EPHA6: variants seen among roughly 807,000 people sequenced by gnomAD.
EPHA6 encodes EPH receptor A6.
A neutral mutation model predicts 112.0 loss-of-function variants in EPHA6; 50 were observed. That is an observed-to-expected ratio of 0.45 (90% CI 0.36 to 0.56). EPHA6 has a LOEUF of 0.56. Among genes scored for constraint, EPHA6 ranks in the 20% least tolerant of loss-of-function variants. The probability of loss-of-function intolerance (pLI) is 0.00; values close to 1 mark genes in which losing one functional copy is unlikely to be tolerated. For missense variants in EPHA6, 1,280 were observed against 1,417.4 expected, an observed-to-expected ratio of 0.90 and a Z score of 1.56; for synonymous variants, 529 against 490.7, an observed-to-expected ratio of 1.08 and a Z score of -1.03.
At chr3:97,442,357 G>T (rs760593094) in intron 6 of EPHA6, among the ~76,000 whole-genome samples, 1 of 152,132 alleles carries the variant, frequency 6.6e-6, no homozygotes, top group Non-Finnish European at 1.5e-5. Flanking sequence ...AGGCCAAGGC[G>T]AGTGGACCAC....
At chr3:96,862,854 A>G (rs1267331387) in intron 1 of EPHA6, among the ~76,000 whole-genome samples, 1 of 151,968 alleles carries the variant, frequency 6.6e-6, no homozygotes, top group East Asian at 1.9e-4. Flanking sequence ...ATCATTTGAT[A>G]TTGTCTTTTA....
intron 16 of EPHA6, among the ~76,000 whole-genome samples, chr3:97,744,067 A>G (rs2035614665): frequency 6.6e-6 from 1 of 151,956 alleles, no homozygotes; most frequent in African/African-American, 2.4e-5. Context: ...TTATTACTAA[A>G]CTGTAACATT....
intron 5 of EPHA6, among the ~76,000 whole-genome samples, chr3:97,353,865 A>AGTG (rs753464869): frequency 2.0e-5 from 3 of 152,176 alleles, no homozygotes; most frequent in Non-Finnish European, 4.4e-5. Context: ...GCATAGTCCC[A>AGTG]GTGGTGGTGG....
chr3:97,494,336 G>T (rs997726697), intron 10 of EPHA6, among the ~76,000 whole-genome samples: 3 of 151,988 alleles, frequency 2.0e-5, no homozygotes, highest in Non-Finnish European at 4.4e-5. Context: ...AACTTTCCTC[G>T]CAGTAAGTGA....
chr3:96,814,815 C>G lies in EPHA6; in HGVS notation c.192C>G (p.Asp64Glu). 1.3e-6 allele frequency: 2 copies of G among 1,596,220 alleles called. No individual in the cohort carries two copies. Among genetic ancestry groups the G allele is most frequent in the African/African-American group, 1.3e-5 (1 of 74,552 alleles). Residue 64 changes from aspartate to glutamate, a missense_variant, in exon 1 of 18, where the codon GAC becomes GAG. Asp to Glu is a conservative substitution (Grantham distance 45). Coordinates refer to ENST00000389672, the MANE Select transcript of EPHA6 (RefSeq NM_001080448.3). ...AGGAAGAGGAGGAGGAGGAAGAAGA[C>G]GTGGACAAGGACCCCCATCCTACCC... ...VEEEEEEEEE[D>E]VDKDPHPTQN...
At chr3:97,618,996 C>T (rs1381689003) in intron 13 of EPHA6, among the ~76,000 whole-genome samples, 3 of 151,968 alleles carry the variant, frequency 2.0e-5, no homozygotes, top group African/African-American at 4.8e-5. Flanking sequence ...TGCTAAACAT[C>T]AATGCAAAAA....
At chr3:97,732,372 A>C (rs1263816472) in intron 15 of EPHA6, among the ~76,000 whole-genome samples, 8 of 151,784 alleles carry the variant, frequency 5.3e-5, no homozygotes, top group Non-Finnish European at 1.2e-4. Flanking sequence ...ACATGCTCCC[A>C]TAACAGCCTG....
intron 4 of EPHA6, among the ~76,000 whole-genome samples, chr3:97,238,808 A>G (rs2078755869): frequency 6.6e-6 from 1 of 151,868 alleles, no homozygotes. Context: ...CAATTCAGGA[A>G]CAGTAGGTAC....
At chr3:97,535,234 A>T (rs1280670375) in intron 11 of EPHA6, among the ~76,000 whole-genome samples, 1 of 151,648 alleles carries the variant, frequency 6.6e-6, no homozygotes, top group African/African-American at 2.4e-5. Context: ...TAAGAATCTC[A>T]TCTAGAAATG....
chr3:97,562,123 GTGCC>G (rs1203351618), intron 11 of EPHA6, among the ~76,000 whole-genome samples: 2 of 152,052 alleles, frequency 1.3e-5, no homozygotes, highest in Non-Finnish European at 2.9e-5. Flanking sequence ...TGTTATTTTC[GTGCC>G]TGCTTAGAAA....
chr3:97,674,483 A>G (rs896819849), intron 14 of EPHA6, among the ~76,000 whole-genome samples: 4 of 152,206 alleles, frequency 2.6e-5, no homozygotes, highest in South Asian at 2.1e-4. Flanking sequence ...AATTATACCT[A>G]TAGTCTGCCT....
intron 1 of EPHA6, among the ~76,000 whole-genome samples, chr3:96,827,385 A>G (rs2033732060): frequency 6.6e-6 from 1 of 152,054 alleles, no homozygotes; most frequent in African/African-American, 2.4e-5. Context: ...TTATGGAACA[A>G]TGTGTATTAT....
chr3:96,906,924 C>T lies in EPHA6; in HGVS notation c.450+40035C>T, dbSNP rs143642179. ...GTTTAGGTTTGTAAAACACTAATTTCGAGATAAATGATCTCTGGAATTTCG... is the reference window on the plus strand; with the variant it reads ...GTTTAGGTTTGTAAAACACTAATTTTGAGATAAATGATCTCTGGAATTTCG... On this transcript the variant is annotated intron_variant, in intron 2 of 17. Transcript: ENST00000389672. 7.1e-3 allele frequency among the ~76,000 whole-genome samples: 1,072 copies of T among 151,460 alleles called. 8 individuals carry two copies. Among genetic ancestry groups the T allele is most frequent in the African/African-American group, 0.022 (894 of 41,274 alleles).
At chr3:97,727,008 A>G (rs1256861320) in intron 15 of EPHA6, among the ~76,000 whole-genome samples, 1 of 152,032 alleles carries the variant, frequency 6.6e-6, no homozygotes, top group African/African-American at 2.4e-5. Context: ...CCCTGACATG[A>G]TGCTGTTAAA....
At chr3:96,935,685 A>T (rs2040542665) in intron 2 of EPHA6, among the ~76,000 whole-genome samples, 1 of 148,182 alleles carries the variant, frequency 6.7e-6, no homozygotes, top group African/African-American at 2.5e-5. Flanking sequence ...AACATTATAT[A>T]TACACACATT....
chr3:97,066,118 T>A (rs2046169371), intron 3 of EPHA6, among the ~76,000 whole-genome samples: 1 of 152,098 alleles, frequency 6.6e-6, no homozygotes, highest in Non-Finnish European at 1.5e-5. Context: ...GAAATTTATA[T>A]TTCTAATAAA....
chr3:97,519,269 A>T (rs912148640), intron 10 of EPHA6, among the ~76,000 whole-genome samples: 1 of 152,102 alleles, frequency 6.6e-6, no homozygotes, highest in Non-Finnish European at 1.5e-5. Context: ...TCCCCAATGT[A>T]TGCTCTTGGC....
intron 5 of EPHA6, among the ~76,000 whole-genome samples, chr3:97,291,296 A>G (rs1356183061): frequency 6.6e-6 from 1 of 152,224 alleles, no homozygotes; most frequent in African/African-American, 2.4e-5. Flanking sequence ...TTACCTACGT[A>G]TAATCTATCG....
chr3:97,598,387 GTA>G (rs2093612553), intron 12 of EPHA6, among the ~76,000 whole-genome samples: 1 of 147,436 alleles, frequency 6.8e-6, no homozygotes, highest in Non-Finnish European at 1.5e-5. Flanking sequence ...CTAGCATTAG[GTA>G]TATCTCCCAA....
Sources: gnomAD v4.1 joint callset for allele counts (sites outside exome capture counted in the v4.1 genomes callset) on GRCh38, gnomAD v4.1.1 for gene constraint, MANE v1.5 for transcripts, NCBI Gene and HGNC (gene_info 2026-07-23, HGNC 2026-07-21) for gene names.